The following C8orf34 variants were observed in gnomAD, a reference collection of about 807,000 sequenced individuals.
C8orf34 encodes the protein chromosome 8 open reading frame 34.
Under a neutral mutation model 68.3 loss-of-function variants are expected in C8orf34, and 65 were observed. That is an observed-to-expected ratio of 0.95 (90% CI 0.78 to 1.17). The LOEUF (loss-of-function observed/expected upper bound fraction) is 1.17, where lower values mean the gene tolerates loss of function less well. Among genes scored for constraint, C8orf34 ranks in the 50% most tolerant of loss-of-function variants. C8orf34 has a pLI of 0.00. For missense variants in C8orf34, 664 were observed against 655.4 expected (o/e 1.01, Z -0.14); for synonymous variants, 244 against 241.2 (o/e 1.01, Z -0.11).
At chr8:68,510,588 A>G (rs1814224129) in intron 5 of C8orf34, among the ~76,000 whole-genome samples, 1 of 152,290 alleles carries the variant, frequency 6.6e-6, no homozygotes, top group East Asian at 1.9e-4. Flanking sequence ...CAAACGTATG[A>G]TAAGTTTTGA....
At chr8:68,341,241 C>G (rs971615629) in intron 1 of C8orf34, among the ~76,000 whole-genome samples, 1 of 152,112 alleles carries the variant, frequency 6.6e-6, no homozygotes, top group Non-Finnish European at 1.5e-5. Context: ...TGGGACTCTT[C>G]TAAGGATGCC....
chr8:68,604,029 G>A (rs1327509681), intron 7 of C8orf34, among the ~76,000 whole-genome samples: 1 of 152,080 alleles, frequency 6.6e-6, no homozygotes, highest in East Asian at 1.9e-4. Context: ...CAAAATTAAA[G>A]TTTGCCTTGG....
chr8:68,507,959 G>T (rs1382102783), intron 5 of C8orf34, among the ~76,000 whole-genome samples: 1 of 152,060 alleles, frequency 6.6e-6, no homozygotes. Flanking sequence ...TTTTTCAGAG[G>T]TCTTAATAAA....
intron 7 of C8orf34, chr8:68,534,091 T>G: frequency 1.0e-6 from 1 of 983,924 alleles, no homozygotes; most frequent in South Asian, 4.7e-5. Flanking sequence ...TAAGTGTTTA[T>G]GGCAGTAAAA....
At chr8:68,379,966 C>T (rs1178806134) in intron 1 of C8orf34, among the ~76,000 whole-genome samples, 2 of 152,222 alleles carry the variant, frequency 1.3e-5, no homozygotes, top group South Asian at 2.1e-4. Context: ...ATTCTCCCAA[C>T]TGGAACCTCC....
chr8:68,431,809 G>A (rs1810462978), intron 1 of C8orf34, among the ~76,000 whole-genome samples: 2 of 152,114 alleles, frequency 1.3e-5, no homozygotes, highest in South Asian at 4.1e-4. Flanking sequence ...CAGTGTCTAT[G>A]ATTCAGCTTT....
chr8:68,662,492 G>A (rs548103089), intron 8 of C8orf34, among the ~76,000 whole-genome samples: 7 of 152,248 alleles, frequency 4.6e-5, no homozygotes, highest in African/African-American at 1.4e-4. Context: ...CCCCCATACT[G>A]TTCTCGTTGT....
chr8:68,672,216 A>G, intron 8 of C8orf34, among the ~76,000 whole-genome samples: 1 of 152,174 alleles, frequency 6.6e-6, no homozygotes, highest in South Asian at 2.1e-4. Flanking sequence ...AAGATGGTTG[A>G]ATATAAGCCT....
chr8:68,602,832 G>A lies in C8orf34; in HGVS notation c.1106-37544G>A, dbSNP rs566643469. 9.2e-5 allele frequency among the ~76,000 whole-genome samples: 14 copies of A among 152,164 alleles called. No individual in the cohort carries two copies. The South Asian group carries it at 1.2e-3, about 14-fold the overall frequency. On this transcript the variant is annotated intron_variant, in intron 7 of 13. Transcript: ENST00000518698. Reference sequence around the variant, plus strand: ...TGAAACCATGCAGAGAGGGGAAGTCGTTCTGTTGGCTTTTTGCTGAGGTAG... The same window carrying A: ...TGAAACCATGCAGAGAGGGGAAGTCATTCTGTTGGCTTTTTGCTGAGGTAG...
chr8:68,382,721 C>T (rs1808094102), intron 1 of C8orf34, among the ~76,000 whole-genome samples: 1 of 152,182 alleles, frequency 6.6e-6, no homozygotes, highest in Admixed American at 6.5e-5. Flanking sequence ...TCCACCTGCT[C>T]TTTAAAAGTT....
At chr8:68,494,593 C>T (rs755096252) in intron 5 of C8orf34, among the ~76,000 whole-genome samples, 13 of 152,046 alleles carry the variant, frequency 8.6e-5, no homozygotes, top group Non-Finnish European at 1.8e-4. Context: ...CAGTCGCTCA[C>T]GCCTGTAATC....
chr8:68,778,106 C>T (rs1176781784), intron 11 of C8orf34, among the ~76,000 whole-genome samples: 1 of 152,116 alleles, frequency 6.6e-6, no homozygotes, highest in Non-Finnish European at 1.5e-5. Flanking sequence ...ACAGACAATC[C>T]ATTTATGTAT....
intron 4 of C8orf34, among the ~76,000 whole-genome samples, chr8:68,469,880 A>G (rs1344534105): frequency 2.0e-5 from 3 of 151,552 alleles, no homozygotes; most frequent in African/African-American, 7.3e-5. Context: ...GTTTATATAT[A>G]TATATATGCT....
chr8:68,434,403 T>C (rs910534020), intron 1 of C8orf34, among the ~76,000 whole-genome samples: 1 of 152,136 alleles, frequency 6.6e-6, no homozygotes, highest in Non-Finnish European at 1.5e-5. Flanking sequence ...CATGTGGTAT[T>C]TGGTTTTCTG....
At chr8:68,593,170 T>G (rs1471690109) in intron 7 of C8orf34, among the ~76,000 whole-genome samples, 1 of 152,182 alleles carries the variant, frequency 6.6e-6, no homozygotes, top group Non-Finnish European at 1.5e-5. Flanking sequence ...GATGTGATCT[T>G]CTCTTATTAG....
chr8:68,331,283 C>T lies in C8orf34; in HGVS notation c.271C>T (p.Pro91Ser), dbSNP rs915238652. 31 of 1,536,346 alleles carry T rather than the reference C, an allele frequency of 2.0e-5. No individual in the cohort carries two copies. The African/African-American group carries it at 3.7e-4, about 18-fold the overall frequency. The change falls in exon 1 of 14, where the codon CCG becomes TCG. Residue 91 changes from proline (P) to serine (S), a missense_variant. By Grantham distance (74) the Pro-to-Ser change is moderately conservative. Coordinates refer to ENST00000518698, the MANE Select transcript of C8orf34 (RefSeq NM_052958.4). Reference protein sequence around the residue: ...RSHLFPMASHPQTRIQAYLEK... With the variant: ...RSHLFPMASHSQTRIQAYLEK... ...CCATCTGTTCCCCATGGCGTCTCAT[C>T]CGCAAACCCGGATCCAGGCTTACCT...
chr8:68,348,172 C>G (rs1020783217), intron 1 of C8orf34, among the ~76,000 whole-genome samples: 3 of 152,042 alleles, frequency 2.0e-5, no homozygotes, highest in Non-Finnish European at 4.4e-5. Flanking sequence ...CTTCAATCAT[C>G]TGTATAGGGC....
chr8:68,571,486 A>G (rs1816756787), intron 7 of C8orf34, among the ~76,000 whole-genome samples: 1 of 152,160 alleles, frequency 6.6e-6, no homozygotes, highest in African/African-American at 2.4e-5. Flanking sequence ...TCATCCAAAA[A>G]TAGGTATTGA....
At chr8:68,356,096 A>T (rs1585974560) in intron 1 of C8orf34, among the ~76,000 whole-genome samples, 1 of 152,292 alleles carries the variant, frequency 6.6e-6, no homozygotes, top group East Asian at 1.9e-4. Context: ...AATGTCTGCT[A>T]CACAGTAGAT....
Sources: allele counts gnomAD v4.1 joint callset (sites outside exome capture counted in the v4.1 genomes callset), GRCh38; gene constraint gnomAD v4.1.1; transcripts MANE v1.5; gene names NCBI Gene and HGNC (gene_info 2026-07-23, HGNC 2026-07-21).